The following TRIM36 variants were observed in gnomAD, a reference collection of about 807,000 sequenced individuals.
The protein encoded by TRIM36 is E3 ubiquitin-protein ligase TRIM36.
In TRIM36, 42 loss-of-function variants were observed where a neutral mutation model predicts 72.4. The observed-to-expected ratio is 0.58, with a 90% CI of 0.45 to 0.75. The LOEUF is 0.75. Ranked by LOEUF, TRIM36 falls within the 30% of genes least tolerant of loss-of-function variation. The pLI is 0.00. For missense variants in TRIM36, 913 were observed against 857.1 expected (o/e 1.07, Z -0.81); for synonymous variants, 315 against 282.8 (o/e 1.11, Z -1.14).
chr5:115,173,224 A>G (rs1385708215), upstream of TRIM36, among the ~76,000 whole-genome samples: 1 of 151,974 alleles, frequency 6.6e-6, no homozygotes, highest in Non-Finnish European at 1.5e-5. Flanking sequence ...CTTGCTTTTT[A>G]TCTTCCTTTC....
upstream of TRIM36, among the ~76,000 whole-genome samples, chr5:115,172,541 G>C (rs1755162447): frequency 6.6e-6 from 1 of 152,142 alleles, no homozygotes; most frequent in Admixed American, 6.5e-5. Context: ...TTCGAGACCA[G>C]CCTGGCCAAC....
upstream of TRIM36, chr5:115,170,991 C>T: frequency 6.8e-7 from 1 of 1,476,056 alleles, no homozygotes; most frequent in Non-Finnish European, 9.3e-7. Context: ...TTAGATCACG[C>T]ACTGCCTTTC....
chr5:115,170,975 G>T (rs1391066180), upstream of TRIM36: 2 of 1,386,550 alleles, frequency 1.4e-6, no homozygotes, highest in South Asian at 1.4e-5. Flanking sequence ...AATTAATTTA[G>T]GATTATTAGA....
chr5:115,167,117 T>C (rs913020211), intron 1 of TRIM36, among the ~76,000 whole-genome samples: 1 of 152,216 alleles, frequency 6.6e-6, no homozygotes, highest in Non-Finnish European at 1.5e-5. Flanking sequence ...AAGGCAACAC[T>C]TGCCACAGAG....
chr5:115,154,629 A>C (rs1167025210), intron 2 of TRIM36, among the ~76,000 whole-genome samples: 1 of 152,206 alleles, frequency 6.6e-6, no homozygotes, highest in Non-Finnish European at 1.5e-5. Flanking sequence ...TTCATAGCTT[A>C]AATTAGGAAG....
chr5:115,170,824 G>A (rs1466537462), upstream of TRIM36, among the ~76,000 whole-genome samples: 1 of 152,232 alleles, frequency 6.6e-6, no homozygotes, highest in East Asian at 1.9e-4. Context: ...AGGGTCCTGA[G>A]CGGCTCCGGC....
chr5:115,141,440 T>G (rs1461527208), intron 4 of TRIM36, 66 bp from the exon 5 acceptor site: 2 of 1,103,514 alleles, frequency 1.8e-6, no homozygotes, highest in African/African-American at 3.2e-5. Flanking sequence ...TGCAGAATTT[T>G]TTTTTAATTA....
rs1754993959 is a variant in TRIM36, at chr5:115,169,739, C to T, written c.-105G>A. The T allele has an allele frequency of 2.1e-6, 3 of 1,445,134 alleles. No individual in the cohort carries two copies. The highest frequency in any genetic ancestry group is 2.7e-6 in the Non-Finnish European group (3 of 1,091,116). 89.5% of individuals were successfully genotyped at this position (1,445,134 alleles called of 1,614,324 possible). ...CTGCGGCGGCCGTGGAGCCTCGGTCCGAAGCTGGAAGATGAGCTGGTCAGC... is the reference window on the plus strand; with the variant it reads ...CTGCGGCGGCCGTGGAGCCTCGGTCTGAAGCTGGAAGATGAGCTGGTCAGC... On this transcript the variant is annotated 5_prime_UTR_variant, in exon 1 of 10. Transcript: ENST00000513154.
intron 4 of TRIM36, among the ~76,000 whole-genome samples, chr5:115,143,644 T>C (rs1753406999): frequency 6.7e-6 from 1 of 149,460 alleles, no homozygotes; most frequent in Non-Finnish European, 1.5e-5. Context: ...AAAGTTTGCA[T>C]ATATGCAATT....
chr5:115,179,848 G>A (rs1052566747), intron 1 of TRIM36: 3 of 851,518 alleles, frequency 3.5e-6, no homozygotes, highest in Non-Finnish European at 5.6e-6. Flanking sequence ...GGCTGCGAGC[G>A]CGGCTCCTGG....
At chr5:115,170,267 G>C (rs1410573885), upstream of TRIM36, among the ~76,000 whole-genome samples, 1 of 152,036 alleles carries the variant, frequency 6.6e-6, no homozygotes, top group East Asian at 1.9e-4. Context: ...GGGAGGCTCC[G>C]CTGCAGCAGA....
At chr5:115,146,302 T>C (rs925411225) in intron 3 of TRIM36, among the ~76,000 whole-genome samples, 10 of 152,190 alleles carry the variant, frequency 6.6e-5, no homozygotes, top group Non-Finnish European at 1.2e-4. Flanking sequence ...GAGATTTTTT[T>C]CCCCATTTTT....
chr5:115,133,804 A>C, intron 8 of TRIM36, 56 bp downstream of exon 8: 1 of 1,504,010 alleles, frequency 6.6e-7, no homozygotes, highest in Non-Finnish European at 8.9e-7. Context: ...AGTTTATTTT[A>C]TCAAGGTCTC....
chr5:115,148,442 T>C (rs998853202), intron 2 of TRIM36: 36 of 600,204 alleles, frequency 6.0e-5, no homozygotes, highest in African/African-American at 4.1e-4. Flanking sequence ...TTTTTTTAGA[T>C]GGAGTCTCAC....
upstream of TRIM36, among the ~76,000 whole-genome samples, chr5:115,171,728 T>C (rs747165357): frequency 1.3e-5 from 2 of 152,234 alleles, no homozygotes; most frequent in Non-Finnish European, 2.9e-5. Flanking sequence ...CAAATCAGAC[T>C]TCACTGAGCT....
intron 5 of TRIM36, among the ~76,000 whole-genome samples, chr5:115,138,015 C>T (rs1753057032): frequency 6.6e-6 from 1 of 152,164 alleles, no homozygotes; most frequent in Non-Finnish European, 1.5e-5. Context: ...TAAACAAAAA[C>T]AGGAAAACAC....
chr5:115,154,456 A>G lies in TRIM36; in HGVS notation c.263-7062T>C, dbSNP rs556845747. 2.4e-4 allele frequency among the ~76,000 whole-genome samples: 37 copies of G among 152,338 alleles called. 1 individual carries two copies. Among genetic ancestry groups the G allele is most frequent in the East Asian group, 1.5e-3 (8 of 5,186 alleles). The stretch of plus-strand genomic sequence containing the variant: ...GATACACCATTAGCAAAATTAACTA[A>G]GAAGAGAGAAAATCCAAATAAGCTC... On this transcript the variant is annotated intron_variant, in intron 2 of 9. Coordinates refer to ENST00000513154, the MANE Select transcript of TRIM36 (RefSeq NM_001300759.2).
At chr5:115,149,408 T>C (rs1580674324) in intron 2 of TRIM36, 1 of 151,200 alleles carries the variant, frequency 6.6e-6, no homozygotes, top group East Asian at 2.0e-4. Flanking sequence ...TTTAGATAAA[T>C]AGAAAACTAA....
rs760168109 is a variant in TRIM36 at position 115,137,548 on chromosome 5, C to T, written c.900G>A (p.Glu300=). 6.2e-7 allele frequency: 1 copy of T among 1,614,050 alleles called. No individual in the cohort carries two copies. The highest frequency in any genetic ancestry group is 8.5e-7 in the Non-Finnish European group (1 of 1,179,972). ...TTGCTTTCAAAACAGATGATTTCCTCTCTTCCAGAACTTCAAAGAGCTTTT... is the reference window on the plus strand; with the variant it reads ...TTGCTTTCAAAACAGATGATTTCCTTTCTTCCAGAACTTCAAAGAGCTTTT... ...HFEKLFEVLE[E]RKSSVLKAID... Residue 300 remains glutamate, a synonymous_variant, in exon 6 of 10, where the codon GAG becomes GAA. Transcript: ENST00000513154.
Sources: allele counts gnomAD v4.1 joint callset (sites outside exome capture counted in the v4.1 genomes callset), GRCh38; gene constraint gnomAD v4.1.1; transcripts MANE v1.5; gene names NCBI Gene and HGNC (gene_info 2026-07-23, HGNC 2026-07-21).